The following BAZ1B variants were observed in gnomAD, a reference collection of about 807,000 sequenced individuals.
BAZ1B encodes the protein tyrosine-protein kinase BAZ1B.
A neutral mutation model predicts 153.8 loss-of-function variants in BAZ1B; 22 were observed. The observed-to-expected ratio is 0.14, with a 90% CI of 0.10 to 0.20. BAZ1B has a LOEUF of 0.20. Ranked by LOEUF, BAZ1B falls within the 10% of genes least tolerant of loss-of-function variation. BAZ1B has a pLI of 1.00. For missense variants in BAZ1B, 1,325 were observed against 1,799.3 expected, an observed-to-expected ratio of 0.74 and a Z score of 4.77; for synonymous variants, 676 against 633.4, an observed-to-expected ratio of 1.07 and a Z score of -1.01.
In BAZ1B at chr7:73,442,436, A is replaced by G. The variant is rs782522441; in HGVS notation, c.4212T>C (p.Phe1404=). ...TAAACACTTGCTTCATGTCAGTAAGAAACTCCTGCACAGAGCGGTAGCTCC... is the reference window on the plus strand; with the variant it reads ...TAAACACTTGCTTCATGTCAGTAAGGAACTCCTGCACAGAGCGGTAGCTCC... ...SCGSYRSVQE[F]LTDMKQVFTN... The change falls in exon 19 of 20, where the codon TTT becomes TTC. Residue 1404 remains phenylalanine, a synonymous_variant. Transcript: ENST00000339594. 27 of 1,614,108 alleles carry G rather than the reference A, an allele frequency of 1.7e-5. No homozygotes were observed. The South Asian group carries it at 2.3e-4, about 14-fold the overall frequency.
chr7:73,494,140 G>A (rs1789776718), intron 4 of BAZ1B, among the ~76,000 whole-genome samples: 3 of 152,064 alleles, frequency 2.0e-5, no homozygotes, highest in Non-Finnish European at 2.9e-5. Context: ...CCAGCACTTT[G>A]AGGAGCCAAG....
intron 12 of BAZ1B, among the ~76,000 whole-genome samples, chr7:73,460,674 C>T (rs1036417974): frequency 6.6e-6 from 1 of 152,130 alleles, no homozygotes; most frequent in African/African-American, 2.4e-5. Context: ...TTTTTAGAGA[C>T]AGGGTCTCAC....
chr7:73,480,700 A>C (rs1583917547), intron 6 of BAZ1B, among the ~76,000 whole-genome samples: 1 of 152,324 alleles, frequency 6.6e-6, no homozygotes, highest in South Asian at 2.1e-4. Flanking sequence ...GTAAAGAAGA[A>C]GTCTAAAGAC....
chr7:73,477,969 C>T lies in BAZ1B; in HGVS notation c.1492G>A (p.Val498Ile). ...REDKRSALSCVISKTARLLSS... is the reference protein window; with the variant it reads ...REDKRSALSCIISKTARLLSS... ...AGAAGACGAGCTGTTTTGGAGATAA[C>T]ACAGGACAGGGCGCTCCTCTTGTCC... The change falls in exon 7 of 20, where the codon GTT (valine) becomes ATT (isoleucine). Residue 498 changes from valine (V) to isoleucine (I), a missense_variant. By Grantham distance (29) the Val-to-Ile change is conservative (BLOSUM62 3). Coordinates refer to ENST00000339594, the MANE Select transcript of BAZ1B (RefSeq NM_032408.4). The surrounding 1 kb of genome is among the most constrained non-coding windows in gnomAD (Gnocchi z 5.6). The T allele has an allele frequency of 6.2e-7, 1 of 1,614,180 alleles. No homozygotes were observed. The highest frequency in any genetic ancestry group is 8.5e-7 in the Non-Finnish European group (1 of 1,180,046).
chr7:73,509,643 C>CCTGG (rs1445546028), intron 2 of BAZ1B, among the ~76,000 whole-genome samples: 1 of 150,988 alleles, frequency 6.6e-6, no homozygotes, highest in African/African-American at 2.4e-5. Context: ...CTGGCTTGAT[C>CCTGG]CCAGGAGCTA....
chr7:73,470,494 T>C lies in BAZ1B; in HGVS notation c.2594-11A>G, dbSNP rs782134330. ...GGCGTTCCAGTTTCACTGTTAAAAA[T>C]AAAAAGACTCAAATCAGATATTTTC... On this transcript the variant is annotated splice_polypyrimidine_tract_variant and intron_variant, in intron 7 of 19. Transcript: ENST00000339594. 13 of 1,609,608 alleles carry C rather than the reference T, an allele frequency of 8.1e-6. No homozygotes were observed. Among genetic ancestry groups the C allele is most frequent in the Non-Finnish European group, 8.5e-6 (10 of 1,178,706 alleles).
Position 73,477,627 on chromosome 7 carries a change from T to C in BAZ1B, c.1834A>G (p.Met612Val). The C allele has an allele frequency of 6.2e-7, 1 of 1,614,222 alleles. No homozygotes were observed. Among genetic ancestry groups the C allele is most frequent in the Non-Finnish European group, 8.5e-7 (1 of 1,180,040 alleles). Residue 612 changes from methionine to valine, a missense_variant, in exon 7 of 20, where the codon ATG becomes GTG. Physicochemically the swap from Met to Val is conservative, Grantham distance 21. Transcript: ENST00000339594. The surrounding 1 kb of genome is among the most constrained non-coding windows in gnomAD (Gnocchi z 5.6). ...LPNTLFGDVA[M>V]VVEFLSCYSG... ...TAACAGCTCAAGAATTCCACCACCA[T>C]GGCCACATCCCCAAACAGCGTGTTG...
At chr7:73,510,070 T>C (rs927827355) in intron 2 of BAZ1B, among the ~76,000 whole-genome samples, 2 of 151,596 alleles carry the variant, frequency 1.3e-5, no homozygotes, top group Admixed American at 1.3e-4. Flanking sequence ...GAGGTTACAG[T>C]GGGCCGAAAT....
At chr7:73,451,424 A>C (rs1269826014) in intron 13 of BAZ1B, among the ~76,000 whole-genome samples, 1 of 152,228 alleles carries the variant, frequency 6.6e-6, no homozygotes, top group African/African-American at 2.4e-5. Context: ...GAAGTAATGA[A>C]TCTCCTAAAG....
intron 4 of BAZ1B, among the ~76,000 whole-genome samples, chr7:73,497,075 A>AAAAAAAAAAAAAAAAAAAAAAAAAAAAC (rs1789936376): frequency 6.6e-6 from 1 of 150,950 alleles, no homozygotes; most frequent in African/African-American, 2.4e-5. Flanking sequence ...CAAAAAAAAA[A>AAAAAAAAAAAAAAAAAAAAAAAAAAAAC]AAAAAAAACC....
At position 73,475,613 on chromosome 7, in the gene BAZ1B, T is replaced by C. The variant is rs564957996; in HGVS notation, c.2593+1255A>G. On this transcript the variant is annotated intron_variant, in intron 7 of 19. Transcript: ENST00000339594. Reference sequence around the variant, plus strand: ...ACTTTTGGGTTTTCTTTTAAAAATGTTTTGGGGCCAGGCATGGTGGCTGGC... The same window carrying C: ...ACTTTTGGGTTTTCTTTTAAAAATGCTTTGGGGCCAGGCATGGTGGCTGGC... 1.2e-4 allele frequency among the ~76,000 whole-genome samples: 18 copies of C among 152,244 alleles called. No individual in the cohort carries two copies. The South Asian group carries it at 3.5e-3, about 30-fold the overall frequency.
In BAZ1B at chr7:73,508,314, A is replaced by G; in HGVS notation, c.369+13T>C. On this transcript the variant is annotated intron_variant, in intron 3 of 19. Transcript: ENST00000339594. ...CTGATGGTAAGTCAAATCAGAAACG[A>G]ACAGGCACTCACCTCGAAGTCACAC... 1 of 1,611,478 alleles carries G rather than the reference A, an allele frequency of 6.2e-7. No homozygotes were observed. The highest frequency in any genetic ancestry group is 8.5e-7 in the Non-Finnish European group (1 of 1,178,620).
At chr7:73,502,616 GAA>G (rs77454950) in intron 3 of BAZ1B, among the ~76,000 whole-genome samples, 8 of 138,632 alleles carry the variant, frequency 5.8e-5, no homozygotes, top group Admixed American at 1.5e-4. Flanking sequence ...GTAGGATGAG[GAA>G]AAAAAAAAAA....
intron 6 of BAZ1B, among the ~76,000 whole-genome samples, chr7:73,480,782 A>T (rs1554573570): frequency 6.6e-6 from 1 of 152,212 alleles, no homozygotes; most frequent in Non-Finnish European, 1.5e-5. Flanking sequence ...TAACGAAATT[A>T]TGAGCCCCTT....
chr7:73,510,840 G>T lies in BAZ1B; in HGVS notation c.120C>A (p.Ala40=). Reference sequence around the variant, plus strand: ...TGCGCTCACTGTACCTTTCCAAGCGGGCTTCATACTCTCTGTTGGCAGTAG... The same window carrying T: ...TGCGCTCACTGTACCTTTCCAAGCGTGCTTCATACTCTCTGTTGGCAGTAG... ...EAFRTREEYE[A]RLERYSERIW... The change falls in exon 2 of 20, where the codon GCC becomes GCA. Residue 40 remains alanine (A), a synonymous_variant. Transcript: ENST00000339594. 6.2e-7 allele frequency: 1 copy of T among 1,614,024 alleles called. No homozygotes were observed. Among genetic ancestry groups the T allele is most frequent in the Non-Finnish European group, 8.5e-7 (1 of 1,179,992 alleles).
chr7:73,472,774 T>C (rs572636922), intron 7 of BAZ1B, among the ~76,000 whole-genome samples: 128 of 126,722 alleles, frequency 1.0e-3, no homozygotes, highest in Middle Eastern at 4.4e-3. Flanking sequence ...TTTATTTATT[T>C]TGAGATGGAG....
At chr7:73,454,701 A>ATCC (rs1788130888) in intron 13 of BAZ1B, among the ~76,000 whole-genome samples, 1 of 151,966 alleles carries the variant, frequency 6.6e-6, no homozygotes. Flanking sequence ...TTCAAAACCC[A>ATCC]TCCTCTCTTC....
intron 4 of BAZ1B, among the ~76,000 whole-genome samples, chr7:73,497,680 A>G (rs1242124544): frequency 6.6e-6 from 1 of 151,920 alleles, no homozygotes; most frequent in Admixed American, 6.6e-5. Context: ...AAAAATATTG[A>G]GAGATGGGTT....
intron 6 of BAZ1B, among the ~76,000 whole-genome samples, chr7:73,483,952 C>G (rs1427106147): frequency 6.6e-6 from 1 of 152,132 alleles, no homozygotes; most frequent in Non-Finnish European, 1.5e-5. Flanking sequence ...ACACAACAAA[C>G]AAACTTTAAG....
Sources: allele counts gnomAD v4.1 joint callset (sites outside exome capture counted in the v4.1 genomes callset), GRCh38; gene constraint gnomAD v4.1.1; non-coding constraint Gnocchi (gnomAD v3.1); transcripts MANE v1.5; gene names NCBI Gene and HGNC (gene_info 2026-07-23, HGNC 2026-07-21).